The following CDC42BPA variants were observed in gnomAD, a reference collection of about 807,000 sequenced individuals.
The protein encoded by CDC42BPA is serine/threonine-protein kinase MRCK alpha.
A neutral mutation model predicts 223.5 loss-of-function variants in CDC42BPA; 80 were observed. That is an observed-to-expected ratio of 0.36 (90% CI 0.30 to 0.43). The LOEUF (loss-of-function observed/expected upper bound fraction) is 0.43. CDC42BPA is among the 20% of genes least tolerant of loss of function. The pLI, the probability that CDC42BPA is intolerant of heterozygous loss-of-function variation, is 1.00. For synonymous variants in CDC42BPA, 694 were observed against 718.6 expected, an observed-to-expected ratio of 0.97 and a Z score of 0.55; for missense variants, 1,743 against 2,099.9, an observed-to-expected ratio of 0.83 and a Z score of 3.32.
intron 34 of CDC42BPA, among the ~76,000 whole-genome samples, chr1:227,005,746 G>A (rs1265536346): frequency 6.6e-6 from 1 of 152,024 alleles, no homozygotes; most frequent in Non-Finnish European, 1.5e-5. Flanking sequence ...TGATTTCAAA[G>A]AGTTTATAAA....
chr1:227,214,995 G>A (rs751316698), intron 2 of CDC42BPA, among the ~76,000 whole-genome samples: 1 of 152,116 alleles, frequency 6.6e-6, no homozygotes, highest in Non-Finnish European at 1.5e-5. Flanking sequence ...AGCATGTAGT[G>A]ACATCAGGCT....
At position 227,112,915 on chromosome 1, in the gene CDC42BPA, T is replaced by C. The variant is rs751329768; in HGVS notation, c.1648-2A>G. ...TCGCTCACTAGCCTGGACTAGTTCC[T>C]ACAGTTTTGTAAAAAGAATATAAGT... On this transcript the variant is annotated splice_acceptor_variant, in intron 12 of 36. Transcript: ENST00000366766. LOFTEE classifies it high-confidence loss of function. 6.2e-7 allele frequency: 1 copy of C among 1,612,316 alleles called. No homozygotes were observed. The highest frequency in any genetic ancestry group is 8.5e-7 in the Non-Finnish European group (1 of 1,179,500).
Position 226,993,422 on chromosome 1 carries a change from A to G in CDC42BPA, c.*846T>C, listed in dbSNP as rs537782301. Reference sequence around the variant, plus strand: ...TGCTGCTGAAGTGGCTTCAAATGTTAAAGCTCTGGTGCCCAGGGCATGCCC... The same window carrying G: ...TGCTGCTGAAGTGGCTTCAAATGTTGAAGCTCTGGTGCCCAGGGCATGCCC... On this transcript the variant is annotated 3_prime_UTR_variant, in exon 37 of 37. Transcript: ENST00000366766. The G allele has an allele frequency of 1.3e-5, 2 of 152,408 alleles. No homozygotes were observed. Among genetic ancestry groups the G allele is most frequent in the East Asian group, 3.9e-4 (2 of 5,178 alleles). 9.4% of individuals were successfully genotyped at this position (152,408 alleles called of 1,614,324 possible).
At chr1:227,086,230 A>G (rs566956376) in intron 16 of CDC42BPA, among the ~76,000 whole-genome samples, 22 of 152,200 alleles carry the variant, frequency 1.4e-4, no homozygotes, top group Non-Finnish European at 2.5e-4. Context: ...ATCATGCACC[A>G]TTGATAAACA....
chr1:227,300,600 C>CCG (rs1691453772), intron 1 of CDC42BPA, among the ~76,000 whole-genome samples: 1 of 152,084 alleles, frequency 6.6e-6, no homozygotes, highest in African/African-American at 2.4e-5. Context: ...TATGTTCTCA[C>CCG]TTATAAGTGG....
In CDC42BPA at chr1:227,035,367, T is replaced by A; in HGVS notation, c.3336+104A>T. On this transcript the variant is annotated intron_variant, in intron 25 of 36. Coordinates refer to ENST00000366766, the MANE Select transcript of CDC42BPA (RefSeq NM_001394014.1). ...AAAATTATTAGATGAATTTTATTCA[T>A]TTAATTTTCCATCAAGAACTATCCT... 3.6e-6 allele frequency: 3 copies of A among 838,286 alleles called. No homozygotes were observed. In the East Asian group the frequency reaches 8.7e-5, roughly 24 times the overall value. The allele number at this position is 838,286 out of a possible 1,614,324, so 51.9% of individuals were successfully genotyped here.
intron 4 of CDC42BPA, among the ~76,000 whole-genome samples, chr1:227,197,704 C>T (rs2150193041): frequency 6.6e-6 from 1 of 152,112 alleles, no homozygotes; most frequent in Admixed American, 6.5e-5. Context: ...AAGCAATGCA[C>T]AAATCTGCAG....
intron 5 of CDC42BPA, among the ~76,000 whole-genome samples, chr1:227,193,300 T>G (rs970213097): frequency 2.0e-5 from 3 of 152,078 alleles, no homozygotes; most frequent in African/African-American, 7.3e-5. Flanking sequence ...GACCTCGTAA[T>G]CTGCCCGCCT....
At chr1:227,147,263 G>A in intron 7 of CDC42BPA, 96 bp downstream of exon 7, 1 of 796,418 alleles carries the variant, frequency 1.3e-6, no homozygotes, top group Non-Finnish European at 2.0e-6. Context: ...AAATGTGATT[G>A]TTCACTGTTT....
intron 32 of CDC42BPA, 53 bp from the exon 33 acceptor site, chr1:227,017,103 CT>C (rs1247274085): frequency 2.0e-6 from 3 of 1,531,742 alleles, no homozygotes; most frequent in Non-Finnish European, 2.7e-6. Flanking sequence ...TGTTAAAATG[CT>C]TTTTATCTAT....
intron 3 of CDC42BPA, among the ~76,000 whole-genome samples, chr1:227,200,610 G>A (rs1198050813): frequency 1.3e-5 from 2 of 149,496 alleles, no homozygotes; most frequent in Non-Finnish European, 3.0e-5. Context: ...ATTTATTTAT[G>A]CAACCCCCAA....
At chr1:227,214,643 G>C (rs1183080131) in intron 2 of CDC42BPA, among the ~76,000 whole-genome samples, 1 of 152,108 alleles carries the variant, frequency 6.6e-6, no homozygotes, top group Admixed American at 6.6e-5. Context: ...ATTTAGGGCG[G>C]GGAAAACACA....
At chr1:227,176,503 C>T (rs979873012) in intron 5 of CDC42BPA, among the ~76,000 whole-genome samples, 1 of 152,136 alleles carries the variant, frequency 6.6e-6, no homozygotes, top group Non-Finnish European at 1.5e-5. Context: ...TATAAATTCT[C>T]CCAATTATCA....
At chr1:227,246,908 T>C (rs1434212535) in intron 2 of CDC42BPA, among the ~76,000 whole-genome samples, 1 of 152,090 alleles carries the variant, frequency 6.6e-6, no homozygotes, top group African/African-American at 2.4e-5. Context: ...GAATTCAAAA[T>C]AGCTATTTTG....
intron 5 of CDC42BPA, among the ~76,000 whole-genome samples, chr1:227,177,949 T>C (rs1296373813): frequency 5.9e-5 from 9 of 151,910 alleles, no homozygotes; most frequent in South Asian, 2.1e-4. Flanking sequence ...AATTTTTTTT[T>C]CCAATACTGT....
chr1:227,241,344 A>T (rs4266849), intron 2 of CDC42BPA, among the ~76,000 whole-genome samples: 46,768 of 151,922 alleles, frequency 0.31, 7,368 homozygotes, highest in East Asian at 0.37. Flanking sequence ...ACTTCTGGTT[A>T]TTTACCCAAA....
chr1:227,235,135 AG>A (rs1289176087), intron 2 of CDC42BPA: 5 of 152,182 alleles, frequency 3.3e-5, no homozygotes, highest in African/African-American at 1.2e-4. Flanking sequence ...CAAAGTCTGA[AG>A]GGTCCAACAT....
At chr1:227,211,309 T>G (rs550407059) in intron 3 of CDC42BPA, among the ~76,000 whole-genome samples, 3 of 152,118 alleles carry the variant, frequency 2.0e-5, no homozygotes, top group Non-Finnish European at 4.4e-5. Flanking sequence ...TTATACACTA[T>G]TAGTAGGAAT....
intron 3 of CDC42BPA, among the ~76,000 whole-genome samples, chr1:227,212,248 A>G (rs928973050): frequency 2.9e-4 from 44 of 152,248 alleles, no homozygotes; most frequent in African/African-American, 1.0e-3. Flanking sequence ...CACTGCCACC[A>G]TATCTGTCAT....
Sources: allele counts gnomAD v4.1 joint callset (sites outside exome capture counted in the v4.1 genomes callset), GRCh38; gene constraint gnomAD v4.1.1; transcripts MANE v1.5; gene names NCBI Gene and HGNC (gene_info 2026-07-23, HGNC 2026-07-21).